Variants in RIT2 observed in about 807,000 individuals in gnomAD.
RIT2 encodes Ras like without CAAX 2.
In RIT2, 24 loss-of-function variants were observed where a neutral mutation model predicts 23.7. The observed-to-expected ratio is 1.01, with a 90% CI of 0.73 to 1.43. RIT2 has a LOEUF of 1.43. RIT2 is among the 40% of genes most tolerant of loss of function. The pLI is 0.00. For missense variants in RIT2, 236 were observed against 266.9 expected (o/e 0.88, Z 0.81); for synonymous variants, 107 against 91.1 (o/e 1.17, Z -0.99).
At chr18:42,930,240 G>A (rs1452879347) in intron 3 of RIT2, among the ~76,000 whole-genome samples, 1 of 151,976 alleles carries the variant, frequency 6.6e-6, no homozygotes, top group African/African-American at 2.4e-5. Context: ...GTCTGGCAAT[G>A]GTGAGAGTCA....
At chr18:43,059,280 G>C (rs1030678443) in intron 1 of RIT2, among the ~76,000 whole-genome samples, 2 of 152,000 alleles carry the variant, frequency 1.3e-5, no homozygotes, top group East Asian at 3.9e-4. Flanking sequence ...TCTGTTTTAT[G>C]GATGTCAACA....
chr18:42,929,032 G>GATATATATATATATAT (rs1187388200), intron 3 of RIT2, among the ~76,000 whole-genome samples: 2 of 16,070 alleles, frequency 1.2e-4, no homozygotes, highest in African/African-American at 2.9e-4. Flanking sequence ...CTAAAATATG[G>GATATATATATATATAT]AGATATATAT....
At chr18:42,976,309 T>C (rs868139782) in intron 2 of RIT2, among the ~76,000 whole-genome samples, 2 of 152,148 alleles carry the variant, frequency 1.3e-5, no homozygotes, top group African/African-American at 4.8e-5. Flanking sequence ...GAAAAGAGTA[T>C]GGAACAACAA....
chr18:42,746,642 GTCTC>G (rs1292408286), intron 4 of RIT2, among the ~76,000 whole-genome samples: 7 of 151,984 alleles, frequency 4.6e-5, no homozygotes, highest in African/African-American at 1.7e-4. Context: ...ATTTTAATGT[GTCTC>G]TCTCAGCAAT....
chr18:42,924,560 G>A (rs1432194199), intron 3 of RIT2, among the ~76,000 whole-genome samples: 1 of 151,910 alleles, frequency 6.6e-6, no homozygotes, highest in African/African-American at 2.4e-5. Flanking sequence ...TGAAACTACT[G>A]TTAAAATGAC....
At chr18:42,826,505 C>A (rs1216534026) in intron 4 of RIT2, among the ~76,000 whole-genome samples, 1 of 152,054 alleles carries the variant, frequency 6.6e-6, no homozygotes, top group African/African-American at 2.4e-5. Flanking sequence ...TCTCTCCCAG[C>A]AACCTGAGAT....
At chr18:42,943,713 C>T (rs946907576) in intron 3 of RIT2, among the ~76,000 whole-genome samples, 3 of 152,006 alleles carry the variant, frequency 2.0e-5, no homozygotes, top group African/African-American at 7.2e-5. Flanking sequence ...ATATATTAGC[C>T]TATGGTAGAA....
chr18:42,973,740 A>G (rs554589627), intron 3 of RIT2, among the ~76,000 whole-genome samples: 1 of 152,020 alleles, frequency 6.6e-6, no homozygotes, highest in South Asian at 2.1e-4. Context: ...CTTTCTTTAT[A>G]TTCACCTAAA....
chr18:42,888,496 T>C (rs1031445908), intron 4 of RIT2, among the ~76,000 whole-genome samples: 27 of 151,972 alleles, frequency 1.8e-4, no homozygotes, highest in Non-Finnish European at 3.1e-4. Flanking sequence ...CATTCCCTTT[T>C]CGCCGCAGCC....
chr18:42,792,290 A>G (rs1914061457), intron 4 of RIT2, among the ~76,000 whole-genome samples: 1 of 152,136 alleles, frequency 6.6e-6, no homozygotes, highest in Non-Finnish European at 1.5e-5. Context: ...GCACACCTGG[A>G]GCAAGAGTGC....
chr18:42,795,354 C>G (rs917086884), intron 4 of RIT2, among the ~76,000 whole-genome samples: 1 of 152,186 alleles, frequency 6.6e-6, no homozygotes, highest in Non-Finnish European at 1.5e-5. Flanking sequence ...CAGCCCCGGG[C>G]AATGAGGGAC....
At chr18:42,789,300 G>A (rs762183801) in intron 4 of RIT2, among the ~76,000 whole-genome samples, 7 of 152,142 alleles carry the variant, frequency 4.6e-5, no homozygotes, top group African/African-American at 1.7e-4. Context: ...GATTATCACC[G>A]TGGTCCGTAG....
At chr18:42,880,425 T>C (rs1907857988) in intron 4 of RIT2, among the ~76,000 whole-genome samples, 1 of 152,198 alleles carries the variant, frequency 6.6e-6, no homozygotes, top group South Asian at 2.1e-4. Context: ...TGAAAATATG[T>C]ATGTATATTC....
At chr18:42,884,034 A>G (rs1907960053) in intron 4 of RIT2, among the ~76,000 whole-genome samples, 1 of 152,250 alleles carries the variant, frequency 6.6e-6, no homozygotes, top group Non-Finnish European at 1.5e-5. Context: ...CCCAAATTAT[A>G]GATGTCACAA....
At chr18:42,860,743 T>C (rs1205084394) in intron 4 of RIT2, among the ~76,000 whole-genome samples, 1 of 152,140 alleles carries the variant, frequency 6.6e-6, no homozygotes, top group Non-Finnish European at 1.5e-5. Context: ...ATGCATTCTT[T>C]ATGCCAGCAG....
chr18:42,747,922 A>C (rs1912956338), intron 4 of RIT2, among the ~76,000 whole-genome samples: 1 of 152,162 alleles, frequency 6.6e-6, no homozygotes, highest in South Asian at 2.1e-4. Context: ...CTAAGATCTG[A>C]AAACATAAAA....
At chr18:43,077,678 G>A (rs4441358) in intron 1 of RIT2, among the ~76,000 whole-genome samples, 51,977 of 151,958 alleles carry the variant, frequency 0.34, 9,307 homozygotes, top group East Asian at 0.56. Flanking sequence ...TGTAGCAAGC[G>A]CTTTTTATAA....
Position 42,816,869 on chromosome 18 carries a change from T to A in RIT2, c.427-73149A>T, listed in dbSNP as rs35012034. 5.0e-3 allele frequency among the ~76,000 whole-genome samples: 761 copies of A among 152,280 alleles called. 10 individuals carry two copies. The highest frequency in any genetic ancestry group is 4.8e-3 in the Non-Finnish European group (325 of 68,022). On this transcript the variant is annotated intron_variant, in intron 4 of 4. Coordinates refer to ENST00000326695, the MANE Select transcript of RIT2 (RefSeq NM_002930.4). ...GTTCCACTGCTTACTGTGCACCAGA[T>A]AGTTGAAAGTATCAGCTAGAGAAGT...
At chr18:43,086,582 A>G (rs1913287674) in intron 1 of RIT2, among the ~76,000 whole-genome samples, 1 of 152,160 alleles carries the variant, frequency 6.6e-6, no homozygotes, top group South Asian at 2.1e-4. Flanking sequence ...CGGGATTCAC[A>G]TTTTAATATG....
Sources: gnomAD v4.1 joint callset for allele counts (sites outside exome capture counted in the v4.1 genomes callset) on GRCh38, gnomAD v4.1.1 for gene constraint, MANE v1.5 for transcripts, NCBI Gene and HGNC (gene_info 2026-07-23, HGNC 2026-07-21) for gene names.